FHOD3: variants seen among roughly 807,000 people sequenced by gnomAD.
FHOD3 encodes FH1/FH2 domain-containing protein 3.
A neutral mutation model predicts 173.0 loss-of-function variants in FHOD3; 90 were observed. The ratio of observed to expected loss-of-function variants is 0.52; its 90% confidence interval spans 0.44 to 0.62. FHOD3 has a LOEUF of 0.62. FHOD3 is among the 20% of genes least tolerant of loss of function. The probability of loss-of-function intolerance (pLI) is 0.00; values close to 1 mark genes in which losing one functional copy is unlikely to be tolerated. For missense variants in FHOD3, 1,945 were observed against 2,034.7 expected, an observed-to-expected ratio of 0.96 and a Z score of 0.85; for synonymous variants, 828 against 823.0, an observed-to-expected ratio of 1.01 and a Z score of -0.10.
intron 14 of FHOD3, among the ~76,000 whole-genome samples, chr18:36,673,688 A>T (rs1242593318): frequency 6.6e-6 from 1 of 152,120 alleles, no homozygotes; most frequent in Non-Finnish European, 1.5e-5. Flanking sequence ...GGAAGGAGGG[A>T]ACTGCAGGGC....
At chr18:36,773,143 G>A (rs767106533) in intron 28 of FHOD3, among the ~76,000 whole-genome samples, 3 of 152,208 alleles carry the variant, frequency 2.0e-5, no homozygotes, top group Admixed American at 6.5e-5. Flanking sequence ...GGGTTAGAGA[G>A]GCAGATGCAA....
chr18:36,559,898 A>G (rs1490526507), intron 5 of FHOD3, among the ~76,000 whole-genome samples: 1 of 152,114 alleles, frequency 6.6e-6, no homozygotes, highest in African/African-American at 2.4e-5. Context: ...GAATTATGTT[A>G]ACTGCCACTC....
chr18:36,549,530 A>ATTT (rs1568413526), intron 5 of FHOD3, among the ~76,000 whole-genome samples: 1 of 111,842 alleles, frequency 8.9e-6, no homozygotes, highest in African/African-American at 3.4e-5. Flanking sequence ...GATCTAAGAA[A>ATTT]TCTTTTTTTT....
intron 3 of FHOD3, among the ~76,000 whole-genome samples, chr18:36,404,352 T>G (rs2048963093): frequency 6.6e-6 from 1 of 152,240 alleles, no homozygotes; most frequent in African/African-American, 2.4e-5. Flanking sequence ...TCCAGGTGTC[T>G]GCTTCCTTAT....
At chr18:36,461,071 C>T (rs1007871803) in intron 3 of FHOD3, among the ~76,000 whole-genome samples, 3 of 152,242 alleles carry the variant, frequency 2.0e-5, no homozygotes, top group Middle Eastern at 3.4e-3. Flanking sequence ...GAATAGCTCA[C>T]GGCAGGGGAT....
At chr18:36,511,190 T>C (rs2055620502) in intron 4 of FHOD3, among the ~76,000 whole-genome samples, 1 of 152,186 alleles carries the variant, frequency 6.6e-6, no homozygotes, top group Non-Finnish European at 1.5e-5. Context: ...TCATTTAAGA[T>C]GAATGTTTCA....
chr18:36,471,103 A>G (rs938971800), intron 3 of FHOD3, among the ~76,000 whole-genome samples: 1 of 152,184 alleles, frequency 6.6e-6, no homozygotes. Context: ...GTGCCCTAAA[A>G]CAAAAGGCAG....
At chr18:36,691,537 C>G (rs537812001) in intron 16 of FHOD3, among the ~76,000 whole-genome samples, 13 of 152,344 alleles carry the variant, frequency 8.5e-5, no homozygotes, top group Admixed American at 3.3e-4. Flanking sequence ...CTTCCACAGC[C>G]AAGTGGCTTT....
chr18:36,420,182 G>T (rs2049916176), intron 3 of FHOD3, among the ~76,000 whole-genome samples: 1 of 152,144 alleles, frequency 6.6e-6, no homozygotes, highest in Non-Finnish European at 1.5e-5. Flanking sequence ...ACTCTCTCGG[G>T]CCTCTGTGAC....
intron 3 of FHOD3, among the ~76,000 whole-genome samples, chr18:36,466,280 T>A (rs1339622099): frequency 6.6e-6 from 1 of 152,112 alleles, no homozygotes; most frequent in Admixed American, 6.5e-5. Flanking sequence ...TGAAACCAAA[T>A]GGGATTCCAC....
chr18:36,494,697 G>A (rs2054646317), intron 3 of FHOD3, among the ~76,000 whole-genome samples: 1 of 152,144 alleles, frequency 6.6e-6, no homozygotes, highest in African/African-American at 2.4e-5. Flanking sequence ...AGCTCTCATT[G>A]GCTGCTGGCC....
chr18:36,680,144 A>T (rs1327770794), intron 14 of FHOD3, among the ~76,000 whole-genome samples: 1 of 152,184 alleles, frequency 6.6e-6, no homozygotes, highest in East Asian at 1.9e-4. Context: ...TTCCATAGTG[A>T]GCCTGGAATA....
intron 6 of FHOD3, among the ~76,000 whole-genome samples, chr18:36,586,036 G>A (rs1398375674): frequency 1.2e-4 from 18 of 152,250 alleles, no homozygotes. Context: ...GATGTGAGCT[G>A]CCTGCCACAC....
At chr18:36,332,112 A>G (rs1420604178) in intron 1 of FHOD3, among the ~76,000 whole-genome samples, 1 of 152,212 alleles carries the variant, frequency 6.6e-6, no homozygotes, top group Non-Finnish European at 1.5e-5. Flanking sequence ...GAGAAAGCTT[A>G]ACATTGTGCT....
In FHOD3 at chr18:36,463,613, C is replaced by T. The variant is rs914729869; in HGVS notation, c.338-38319C>T. Among the ~76,000 whole-genome samples the T allele has an allele frequency of 3.4e-5, 5 of 147,096 alleles. No homozygotes were observed. In the East Asian group the frequency reaches 1.0e-3, roughly 30 times the overall value. On this transcript the variant is annotated intron_variant, in intron 3 of 28. Transcript: ENST00000590592. ...TCCCTGCCTCAAGCAATCATCCCACCTCAGCCTCCTGAGCTGGGACTACAG... is the reference window on the plus strand; with the variant it reads ...TCCCTGCCTCAAGCAATCATCCCACTTCAGCCTCCTGAGCTGGGACTACAG...
At position 36,470,391 on chromosome 18, in the gene FHOD3, T is replaced by TA. The variant is rs1326892361; in HGVS notation, c.338-31540dup. Among the ~76,000 whole-genome samples the TA allele has an allele frequency of 3.3e-5, 5 of 152,360 alleles. No homozygotes were observed. In the East Asian group the frequency reaches 5.8e-4, roughly 18 times the overall value. Reference sequence around the variant, plus strand: ...GGATTAGCTCAGAGGCAAAGGATTTTACCGTTCACGTCTATGACGGTTGTC... The same window carrying TA: ...GGATTAGCTCAGAGGCAAAGGATTTTAACCGTTCACGTCTATGACGGTTGTC... On this transcript the variant is annotated intron_variant, in intron 3 of 28. Coordinates refer to ENST00000590592, the MANE Select transcript of FHOD3 (RefSeq NM_001281740.3).
At chr18:36,677,691 G>C (rs945732654) in intron 14 of FHOD3, among the ~76,000 whole-genome samples, 2 of 152,112 alleles carry the variant, frequency 1.3e-5, no homozygotes, top group Non-Finnish European at 2.9e-5. Flanking sequence ...CCAGTGCTCT[G>C]CTTTGTTCTT....
chr18:36,475,006 C>T lies in FHOD3; in HGVS notation c.338-26926C>T, dbSNP rs533362770. Among the ~76,000 whole-genome samples the T allele has an allele frequency of 2.1e-3, 261 of 126,498 alleles. 1 individual carries two copies. The highest frequency in any genetic ancestry group is 7.2e-3 in the African/African-American group (242 of 33,442). The allele number at this position is 126,498 out of a possible 152,430, so 83.0% of individuals were successfully genotyped here. ...ACACATACACACACACACACACACA[C>T]ACACACACACACACACACACACACA... On this transcript the variant is annotated intron_variant, in intron 3 of 28. Transcript: ENST00000590592.
intron 13 of FHOD3, among the ~76,000 whole-genome samples, chr18:36,656,094 G>A (rs549314230): frequency 2.6e-5 from 4 of 152,150 alleles, no homozygotes; most frequent in South Asian, 2.1e-4. Context: ...TCAGGGTCTC[G>A]TCACGGAGAG....
Sources: allele counts gnomAD v4.1 joint callset (sites outside exome capture counted in the v4.1 genomes callset), GRCh38; gene constraint gnomAD v4.1.1; transcripts MANE v1.5; gene names NCBI Gene and HGNC (gene_info 2026-07-23, HGNC 2026-07-21).